The following ALS2 variants were observed in gnomAD, a reference collection of about 807,000 sequenced individuals.
ALS2 encodes the protein alsin.
ALS2 carries 117 observed loss-of-function variants against 203.4 expected under a neutral mutation model. The ratio of observed to expected loss-of-function variants is 0.58; its 90% CI spans 0.50 to 0.67. The LOEUF (loss-of-function observed/expected upper bound fraction) is 0.67. ALS2 is among the 30% of genes least tolerant of loss of function. The probability of loss-of-function intolerance (pLI) is 0.00; values close to 1 mark genes in which losing one functional copy is unlikely to be tolerated. For missense variants in ALS2, 1,715 were observed against 1,989.4 expected, an observed-to-expected ratio of 0.86 and a Z score of 2.62; for synonymous variants, 718 against 725.9, an observed-to-expected ratio of 0.99 and a Z score of 0.17.
At chr2:201,739,020 C>T (rs1220066657) in intron 11 of ALS2, among the ~76,000 whole-genome samples, 1 of 151,884 alleles carries the variant, frequency 6.6e-6, no homozygotes, top group Non-Finnish European at 1.5e-5. Context: ...GGGAGGATCG[C>T]TTGAGCCTAG....
At chr2:201,747,954 G>A (rs1268733598) in intron 8 of ALS2, among the ~76,000 whole-genome samples, 2 of 152,106 alleles carry the variant, frequency 1.3e-5, no homozygotes, top group Admixed American at 6.6e-5. Flanking sequence ...TTATGTATGG[G>A]ATTCCTCATA....
At chr2:201,725,210 CAG>C (rs1691085882) in intron 20 of ALS2, 144 bp downstream of exon 20, 3 of 698,568 alleles carry the variant, frequency 4.3e-6, no homozygotes, top group Non-Finnish European at 7.7e-6. Flanking sequence ...GATGATCACA[CAG>C]AGTTTCAATT....
At chr2:201,720,707 C>T (rs539310741) in intron 23 of ALS2, among the ~76,000 whole-genome samples, 5 of 148,172 alleles carry the variant, frequency 3.4e-5, no homozygotes, top group Admixed American at 2.7e-4. Context: ...GAGTGAGACA[C>T]TATCTCAACA....
Position 201,715,569 on chromosome 2 carries a change from T to A in ALS2, c.4004+103A>T, listed in dbSNP as rs796098985. 2.0e-5 allele frequency: 28 copies of A among 1,394,042 alleles called. No homozygotes were observed. In the African/African-American group the frequency reaches 3.3e-4, roughly 16 times the overall value. The allele number at this position is 1,394,042 out of a possible 1,614,324, so 86.4% of individuals were successfully genotyped here. On this transcript the variant is annotated intron_variant, in intron 25 of 33. Transcript: ENST00000264276. Reference sequence around the variant, plus strand: ...CTCTCTTACTCAGAAGCGAAGTAAATCATTAACTTTTAAATTAAATGTGGT... The same window carrying A: ...CTCTCTTACTCAGAAGCGAAGTAAAACATTAACTTTTAAATTAAATGTGGT...
At position 201,761,270 on chromosome 2, in the gene ALS2, T is replaced by C. The variant is rs779038170; in HGVS notation, c.724A>G (p.Met242Val). ...ATCACATGGTCTTCTTTGTCAGTCA[T>C]AGTAATCAAGAGCTGGCTGCACTGG... ...CNQCSQLLIT[M>V]TDKEDHVIIS... Residue 242 changes from methionine to valine, a missense_variant, in exon 4 of 34, where the codon ATG becomes GTG. Met to Val is a conservative substitution (Grantham distance 21). Coordinates refer to ENST00000264276, the MANE Select transcript of ALS2 (RefSeq NM_020919.4). 17 of 1,614,172 alleles carry C rather than the reference T, an allele frequency of 1.1e-5. No homozygotes were observed. The highest frequency in any genetic ancestry group is 1.0e-4 in the Admixed American group (6 of 60,026).
intron 11 of ALS2, among the ~76,000 whole-genome samples, chr2:201,740,978 G>A (rs1293997758): frequency 6.6e-6 from 1 of 152,166 alleles, no homozygotes; most frequent in African/African-American, 2.4e-5. Context: ...GTGTTTGCTG[G>A]ATGGTTGAGG....
intron 4 of ALS2, among the ~76,000 whole-genome samples, chr2:201,758,601 T>C (rs896583581): frequency 1.3e-5 from 2 of 152,200 alleles, no homozygotes; most frequent in African/African-American, 4.8e-5. Context: ...AGGAAGGTCA[T>C]TAAATGTACC....
At chr2:201,719,626 T>C (rs1373598434) in intron 23 of ALS2, among the ~76,000 whole-genome samples, 2 of 150,196 alleles carry the variant, frequency 1.3e-5, no homozygotes, top group Non-Finnish European at 3.0e-5. Flanking sequence ...AAAATAAAAG[T>C]GCCAGAGGGA....
chr2:201,725,254 C>A (rs2106003428), intron 20 of ALS2, 102 bp downstream of exon 20: 5 of 914,716 alleles, frequency 5.5e-6, no homozygotes, highest in South Asian at 5.4e-5. Context: ...ATCTATAAGA[C>A]TAAACAAAAC....
intron 3 of ALS2, among the ~76,000 whole-genome samples, chr2:201,762,212 G>C (rs995649540): frequency 6.6e-6 from 1 of 152,092 alleles, no homozygotes; most frequent in Non-Finnish European, 1.5e-5. Flanking sequence ...AGACAAAACA[G>C]ACACATTCAC....
intron 12 of ALS2, among the ~76,000 whole-genome samples, chr2:201,737,019 T>G (rs1691911897): frequency 6.6e-6 from 1 of 152,150 alleles, no homozygotes; most frequent in Non-Finnish European, 1.5e-5. Context: ...TCATATAAAC[T>G]ATGAACTTCC....
At position 201,733,335 on chromosome 2, in the gene ALS2, T is replaced by C. The variant is rs775388628; in HGVS notation, c.2521A>G (p.Ile841Val). The C allele has an allele frequency of 3.1e-6, 5 of 1,613,908 alleles. No homozygotes were observed. Among genetic ancestry groups the C allele is most frequent in the South Asian group, 2.2e-5 (2 of 91,074 alleles). ...TTTGCGTAATTATGAAGTCGTCTGA[T>C]TGGCAAGAAAAACAAAGTATTCAGT... ...EILNTLFFLP[I>V]RRLHNYAKVL... The change falls in exon 13 of 34, where the codon ATC (isoleucine) becomes GTC (valine). Residue 841 changes from isoleucine to valine, a missense_variant. By Grantham distance (29) the Ile-to-Val change is conservative. This residue lies in a region of ALS2 where 1,227 missense variants were observed against 1,413.5 expected (regional missense o/e 0.87). Coordinates refer to ENST00000264276, the MANE Select transcript of ALS2 (RefSeq NM_020919.4).
At chr2:201,734,150 C>T (rs1054415918) in intron 12 of ALS2, among the ~76,000 whole-genome samples, 1 of 152,126 alleles carries the variant, frequency 6.6e-6, no homozygotes, top group Admixed American at 6.6e-5. Flanking sequence ...AGGCTTAGCT[C>T]ACCAAACCAA....
At chr2:201,750,439 G>T (rs1446261124) in intron 7 of ALS2, among the ~76,000 whole-genome samples, 1 of 152,086 alleles carries the variant, frequency 6.6e-6, no homozygotes, top group African/African-American at 2.4e-5. Context: ...CTCTTTTAGA[G>T]AAAGCAATAA....
chr2:201,769,308 C>T (rs1009426464), intron 1 of ALS2, among the ~76,000 whole-genome samples: 19 of 152,126 alleles, frequency 1.2e-4, no homozygotes, highest in Non-Finnish European at 2.4e-4. Flanking sequence ...ACTTTTTAAA[C>T]GCTCTGTCTG....
chr2:201,761,539 A>G lies in ALS2; in HGVS notation c.455T>C (p.Ile152Thr), dbSNP rs781595228. 6.2e-7 allele frequency: 1 copy of G among 1,614,170 alleles called. No homozygotes were observed. The highest frequency in any genetic ancestry group is 1.1e-5 in the South Asian group (1 of 91,086). Residue 152 changes from isoleucine to threonine, a missense_variant, in exon 4 of 34, where the codon ATT (isoleucine) becomes ACT (threonine). By Grantham distance (89) the Ile-to-Thr change is moderately conservative (BLOSUM62 -1). Transcript: ENST00000264276. ...SEASPLLAVR[I>T]LQLACGEEHT... Reference sequence around the variant, plus strand: ...CTCCTCGCCACACGCCAACTGTAAAATCCTGACTGCTAACAAAGGGCTGGC... The same window carrying G: ...CTCCTCGCCACACGCCAACTGTAAAGTCCTGACTGCTAACAAAGGGCTGGC...
chr2:201,753,284 C>T (rs1336035872), intron 6 of ALS2, 42 bp from the exon 7 acceptor site: 1 of 1,504,984 alleles, frequency 6.6e-7, no homozygotes, highest in Admixed American at 1.7e-5. Flanking sequence ...AAAGTATTCT[C>T]AGCAAGAATC....
In ALS2 at chr2:201,707,892, G is replaced by C. The variant is rs1454644021; in HGVS notation, c.4380C>G (p.Ser1460=). ...RKSFCTGKSD[S]RSESPEPGYV... ...ACCCTGGCTCTGGTGATTCAGATCG[G>C]GAATCTGACTTCCCAGTGCAAAAAG... The change falls in exon 28 of 34, where the codon TCC becomes TCG. Residue 1460 remains serine, a synonymous_variant. Transcript: ENST00000264276. 6.2e-7 allele frequency: 1 copy of C among 1,613,534 alleles called. No individual in the cohort carries two copies. The highest frequency in any genetic ancestry group is 8.5e-7 in the Non-Finnish European group (1 of 1,179,658).
rs1689390416 is a variant in ALS2 at position 201,701,551 on chromosome 2, T to C, written c.*300A>G. On this transcript the variant is annotated 3_prime_UTR_variant, in exon 34 of 34. Coordinates refer to ENST00000264276, the MANE Select transcript of ALS2 (RefSeq NM_020919.4). ...CATGTAGCTGACATACCCTTTACTG[T>C]AGGAAGGGATATCCTCTTCTTTTTT... 7.0e-6 allele frequency: 2 copies of C among 286,290 alleles called. No homozygotes were observed. Among genetic ancestry groups the C allele is most frequent in the Middle Eastern group, 1.0e-3 (1 of 960 alleles). The allele number at this position is 286,290 out of a possible 1,614,324, so 17.7% of individuals were successfully genotyped here.
Sources: gnomAD v4.1 joint callset for allele counts (sites outside exome capture counted in the v4.1 genomes callset) on GRCh38, gnomAD v4.1.1 for gene constraint, gnomAD v4.1.1 regional missense constraint, MANE v1.5 for transcripts, NCBI Gene and HGNC (gene_info 2026-07-23, HGNC 2026-07-21) for gene names.